The following FEZF2 variants were observed in gnomAD, a reference collection of about 807,000 sequenced individuals.
FEZF2 encodes fez family zinc finger protein 2.
A neutral mutation model predicts 32.8 loss-of-function variants in FEZF2; 2 were observed. The observed-to-expected ratio is 0.06, with a 90% CI of 0.02 to 0.19. The LOEUF (loss-of-function observed/expected upper bound fraction) is 0.19. FEZF2 is among the 10% of genes least tolerant of loss of function. FEZF2 has a pLI of 1.00. For missense variants in FEZF2, 516 were observed against 625.4 expected (o/e 0.83, Z 1.87); for synonymous variants, 322 against 284.8 (o/e 1.13, Z -1.32).
chr3:62,372,487 T>C lies in FEZF2; in HGVS notation c.382A>G (p.Lys128Glu). 1 of 1,513,254 alleles carries C rather than the reference T, an allele frequency of 6.6e-7. No individual in the cohort carries two copies. Among genetic ancestry groups the C allele is most frequent in the Non-Finnish European group, 8.8e-7 (1 of 1,132,318 alleles). The allele number at this position is 1,513,254 out of a possible 1,614,324, so 93.7% of individuals were successfully genotyped here. Reference sequence around the variant, plus strand: ...TTGCAGCACACGCCACAGTTGGTTTTGCACAAGCCGCTGGCGCCGCACACT... The same window carrying C: ...TTGCAGCACACGCCACAGTTGGTTTCGCACAAGCCGCTGGCGCCGCACACT... ...APVCGASGLC[K>E]TNCGVCCKAE... The change falls in exon 2 of 5, where the codon AAA (lysine) becomes GAA (glutamate). Residue 128 changes from lysine (K) to glutamate (E), a missense_variant. By Grantham distance (56) the Lys-to-Glu change is moderately conservative. Coordinates refer to ENST00000283268, the MANE Select transcript of FEZF2 (RefSeq NM_018008.4). The surrounding 1 kb of genome is among the most constrained non-coding windows in gnomAD (Gnocchi z 9.6).
rs1704295406 is a variant in FEZF2, at chr3:62,372,907, G to A, written c.-39C>T. 7.4e-7 allele frequency: 1 copy of A among 1,359,986 alleles called. No individual in the cohort carries two copies. 84.2% of individuals were successfully genotyped at this position (1,359,986 alleles called of 1,614,324 possible). ...GAGCCGAGCCAGGCTGGGCCAGGGCGCAGCCTCTCTCCTCTAAGTCTGCAT... is the reference window on the plus strand; with the variant it reads ...GAGCCGAGCCAGGCTGGGCCAGGGCACAGCCTCTCTCCTCTAAGTCTGCAT... On this transcript the variant is annotated 5_prime_UTR_variant, in exon 2 of 5. Transcript: ENST00000283268. This position sits in a 1 kb window ranked among gnomAD's most constrained non-coding sequence, Gnocchi z 9.6.
At chr3:62,371,689 C>T (rs754121128) in intron 2 of FEZF2, 22 bp from the exon 3 acceptor site, 7 of 1,595,894 alleles carry the variant, frequency 4.4e-6, no homozygotes, top group Non-Finnish European at 6.0e-6. Flanking sequence ...CATGGGGGGC[C>T]TTGTGGTGCG....
chr3:62,370,430 C>A lies in FEZF2; in HGVS notation c.1121-88G>T. ...GGGCGTCCCAGGGGCAGCCCAGGTG[C>A]CTGCTCAAAAAAGGCGACGCTTGGC... On this transcript the variant is annotated intron_variant, in intron 4 of 4. Coordinates refer to ENST00000283268, the MANE Select transcript of FEZF2 (RefSeq NM_018008.4). The surrounding 1 kb of genome is among the most constrained non-coding windows in gnomAD (Gnocchi z 4.2). The A allele has an allele frequency of 1.4e-6, 2 of 1,451,442 alleles. No homozygotes were observed. The highest frequency in any genetic ancestry group is 1.9e-6 in the Non-Finnish European group (2 of 1,065,492). 89.9% of individuals were successfully genotyped at this position (1,451,442 alleles called of 1,614,324 possible).
Position 62,372,464 on chromosome 3 carries a change from G to C in FEZF2, c.405C>G (p.Cys135Trp). 6.3e-7 allele frequency: 1 copy of C among 1,598,300 alleles called. No individual in the cohort carries two copies. ...GLCKTNCGVCCKAELGLAPSA... is the reference protein window; with the variant it reads ...GLCKTNCGVCWKAELGLAPSA... ...ACGGCGCCAGGCCCAGCTCGGCCTT[G>C]CAGCACACGCCACAGTTGGTTTTGC... is the stretch of plus-strand genomic sequence containing the variant. The change falls in exon 2 of 5, where the codon TGC becomes TGG. Residue 135 changes from cysteine (C) to tryptophan (W), a missense_variant. Transcript: ENST00000283268. This position sits in a 1 kb window ranked among gnomAD's most constrained non-coding sequence, Gnocchi z 9.6.
chr3:62,371,031 T>C (rs1350827953), intron 4 of FEZF2, among the ~76,000 whole-genome samples, 186 bp downstream of exon 4: 1 of 152,188 alleles, frequency 6.6e-6, no homozygotes, highest in African/African-American at 2.4e-5. Context: ...GCATACAGCG[T>C]GGTCTACTAA....
Position 62,370,091 on chromosome 3 carries a change from G to T in FEZF2, c.1372C>A (p.Gln458Lys). The T allele has an allele frequency of 6.2e-7, 1 of 1,614,150 alleles. No homozygotes were observed. Among genetic ancestry groups the T allele is most frequent in the Non-Finnish European group, 8.5e-7 (1 of 1,180,018 alleles). Residue 458 changes from glutamine (Q) to lysine (K), a missense_variant, in exon 5 of 5, where the codon CAG becomes AAG. Gln to Lys is a moderately conservative substitution (Grantham distance 53). Around this residue, in one of 3 missense-constraint regions of FEZF2, gnomAD observed 29 missense variants for 23.8 expected, o/e 1.22. Coordinates refer to ENST00000283268, the MANE Select transcript of FEZF2 (RefSeq NM_018008.4). This position sits in a 1 kb window ranked among gnomAD's most constrained non-coding sequence, Gnocchi z 4.2. ...GGGCAAGGCAGTAGCTCTCAGCTCT[G>T]CACTGTCCTAGTCAGGTCCTTTGCG... ...PSAKDLTRTV[Q>K]S
At chr3:62,371,732 G>A in intron 2 of FEZF2, 65 bp from the exon 3 acceptor site, 1 of 1,551,022 alleles carries the variant, frequency 6.4e-7, no homozygotes, top group Non-Finnish European at 8.7e-7. Flanking sequence ...GCCCCGGGGG[G>A]GCCACAGCCT....
chr3:62,372,449 G>A lies in FEZF2; in HGVS notation c.420C>T (p.Gly140=), dbSNP rs750776168. ...CCGCGGGCAGCGCGGACGGCGCCAG[G>A]CCCAGCTCGGCCTTGCAGCACACGC... ...NCGVCCKAEL[G]LAPSALPAGR... is the part of the protein sequence containing the mutation. The change falls in exon 2 of 5, where the codon GGC becomes GGT. Residue 140 remains glycine (G), a synonymous_variant. Coordinates refer to ENST00000283268, the MANE Select transcript of FEZF2 (RefSeq NM_018008.4). The surrounding 1 kb of genome is among the most constrained non-coding windows in gnomAD (Gnocchi z 9.6). 9 of 1,605,214 alleles carry A rather than the reference G, an allele frequency of 5.6e-6. No individual in the cohort carries two copies. The highest frequency in any genetic ancestry group is 1.3e-5 in the African/African-American group (1 of 74,850).
Position 62,372,944 on chromosome 3 carries a change from CA to C in FEZF2, c.-58-19del, listed in dbSNP as rs1342056614. The stretch of plus-strand genomic sequence containing the variant: ...CTCTAAGTCTGCATTCCGGAAAAGG[CA>C]GGGGGGAAAACTGCAATTTAATAAG... On this transcript the variant is annotated intron_variant, in intron 1 of 4. Transcript: ENST00000283268. The surrounding 1 kb of genome is among the most constrained non-coding windows in gnomAD (Gnocchi z 9.6). The C allele has an allele frequency of 1.7e-5, 22 of 1,304,616 alleles. No homozygotes were observed. Among genetic ancestry groups the C allele is most frequent in the Admixed American group, 3.7e-5 (1 of 27,164 alleles). The allele number at this position is 1,304,616 out of a possible 1,614,324, so 80.8% of individuals were successfully genotyped here.
At chr3:62,371,763 C>T (rs1179164380) in intron 2 of FEZF2, 96 bp from the exon 3 acceptor site, 25 of 1,509,876 alleles carry the variant, frequency 1.7e-5, no homozygotes, top group Non-Finnish European at 9.8e-6. Context: ...ACCAACACCC[C>T]CTTCAGAAAC....
At position 62,370,476 on chromosome 3, in the gene FEZF2, G is replaced by T. The variant is rs1704253119; in HGVS notation, c.1121-134C>A. ...TTGGCTAGGCGGGCGCGACCTCTTC[G>T]AGTGAAGAAGTTGTCAAACTTCGTA... is the stretch of plus-strand genomic sequence containing the variant. On this transcript the variant is annotated intron_variant, in intron 4 of 4. Transcript: ENST00000283268. The surrounding 1 kb of genome is among the most constrained non-coding windows in gnomAD (Gnocchi z 4.2). 1.2e-6 allele frequency: 1 copy of T among 863,702 alleles called. No individual in the cohort carries two copies. 53.5% of individuals were successfully genotyped at this position (863,702 alleles called of 1,614,324 possible).
At position 62,373,225 on chromosome 3, in the gene FEZF2, C is replaced by G. The variant is rs1704301315; in HGVS notation, c.-59+54G>C. 4.2e-6 allele frequency: 1 copy of G among 238,846 alleles called. No homozygotes were observed. The highest frequency in any genetic ancestry group is 8.0e-6 in the Non-Finnish European group (1 of 124,634). 14.8% of individuals were successfully genotyped at this position (238,846 alleles called of 1,614,324 possible). On this transcript the variant is annotated intron_variant, in intron 1 of 4. Coordinates refer to ENST00000283268, the MANE Select transcript of FEZF2 (RefSeq NM_018008.4). This position sits in a 1 kb window ranked among gnomAD's most constrained non-coding sequence, Gnocchi z 5.5. ...GGGCCTCTGCCACGCGTGCTGGGAG[C>G]TGGACAGTGAAGGGGCAAAGTTAAA...
chr3:62,370,078 A>G lies in FEZF2; in HGVS notation c.*5T>C. The G allele has an allele frequency of 6.2e-7, 1 of 1,612,894 alleles. No individual in the cohort carries two copies. The highest frequency in any genetic ancestry group is 8.5e-7 in the Non-Finnish European group (1 of 1,178,932). On this transcript the variant is annotated 3_prime_UTR_variant, in exon 5 of 5. Transcript: ENST00000283268. The surrounding 1 kb of genome is among the most constrained non-coding windows in gnomAD (Gnocchi z 4.2). ...GGGAGGGAAGGAAGGGCAAGGCAGTAGCTCTCAGCTCTGCACTGTCCTAGT... is the reference window on the plus strand; with the variant it reads ...GGGAGGGAAGGAAGGGCAAGGCAGTGGCTCTCAGCTCTGCACTGTCCTAGT...
Position 62,372,689 on chromosome 3 carries a change from G to C in FEZF2, c.180C>G (p.Gly60=). The C allele has an allele frequency of 6.2e-7, 1 of 1,608,654 alleles. No individual in the cohort carries two copies. ...GCGAGCAGAGGTTGAGCAGTTTCTT[G>C]CCCTGGCTGCCGTCCGCCTCTAGCG... ...PGALEADGSQ[G]KKLLNLCSPL... Residue 60 remains glycine (G), a synonymous_variant, in exon 2 of 5, where the codon GGC becomes GGG. Coordinates refer to ENST00000283268, the MANE Select transcript of FEZF2 (RefSeq NM_018008.4). This position sits in a 1 kb window ranked among gnomAD's most constrained non-coding sequence, Gnocchi z 9.6.
In FEZF2 at chr3:62,371,529, G is replaced by T; in HGVS notation, c.987+4C>A. On this transcript the variant is annotated splice_donor_region_variant and intron_variant, in intron 3 of 4. Coordinates refer to ENST00000283268, the MANE Select transcript of FEZF2 (RefSeq NM_018008.4). ...GGGCTAGGCCCGACCCGGGGGCCAC[G>T]TACCTGGGTGTGGATAATTTTGTGC... 1 of 1,609,934 alleles carries T rather than the reference G, an allele frequency of 6.2e-7. No individual in the cohort carries two copies. The highest frequency in any genetic ancestry group is 1.7e-4 in the Middle Eastern group (1 of 6,030).
In FEZF2 at chr3:62,372,444, G is replaced by A. The variant is rs767226938; in HGVS notation, c.425C>T (p.Ala142Val). 6.2e-7 allele frequency: 1 copy of A among 1,606,526 alleles called. No homozygotes were observed. The change falls in exon 2 of 5, where the codon GCG becomes GTG. Residue 142 changes from alanine to valine, a missense_variant. Ala to Val is a moderately conservative substitution (Grantham distance 64). Around this residue, in one of 3 missense-constraint regions of FEZF2, gnomAD observed 408 missense variants for 382.2 expected, o/e 1.07. Transcript: ENST00000283268. This position sits in a 1 kb window ranked among gnomAD's most constrained non-coding sequence, Gnocchi z 9.6. ...CCTGCCCGCGGGCAGCGCGGACGGC[G>A]CCAGGCCCAGCTCGGCCTTGCAGCA... ...GVCCKAELGL[A>V]PSALPAGRVI...
At position 62,370,045 on chromosome 3, in the gene FEZF2, G is replaced by C. The variant is rs1420580695; in HGVS notation, c.*38C>G. 5.0e-6 allele frequency: 8 copies of C among 1,604,414 alleles called. No homozygotes were observed. The African/African-American group carries it at 1.1e-4, about 21-fold the overall frequency. ...GTTTATATGTGTGATCTGTTTTCAG[G>C]TGGTACAGGGAGGGAAGGAAGGGCA... On this transcript the variant is annotated 3_prime_UTR_variant, in exon 5 of 5. Transcript: ENST00000283268. This position sits in a 1 kb window ranked among gnomAD's most constrained non-coding sequence, Gnocchi z 4.2.
At position 62,372,454 on chromosome 3, in the gene FEZF2, G is replaced by T; in HGVS notation, c.415C>A (p.Leu139Met). ...GGCAGCGCGGACGGCGCCAGGCCCA[G>T]CTCGGCCTTGCAGCACACGCCACAG... ...TNCGVCCKAE[L>M]GLAPSALPAG... The change falls in exon 2 of 5, where the codon CTG (leucine) becomes ATG (methionine). Residue 139 changes from leucine to methionine, a missense_variant. By Grantham distance (15) the Leu-to-Met change is conservative. This residue lies in a region of FEZF2 where 408 missense variants were observed against 382.2 expected (regional missense o/e 1.07). Transcript: ENST00000283268. The surrounding 1 kb of genome is among the most constrained non-coding windows in gnomAD (Gnocchi z 9.6). 6.2e-7 allele frequency: 1 copy of T among 1,603,688 alleles called. No individual in the cohort carries two copies.
rs1296787599 is a variant in FEZF2 at position 62,373,222 on chromosome 3, G to T, written c.-59+57C>A. ...CCCGGGCCTCTGCCACGCGTGCTGG[G>T]AGCTGGACAGTGAAGGGGCAAAGTT... On this transcript the variant is annotated intron_variant, in intron 1 of 4. Transcript: ENST00000283268. The surrounding 1 kb of genome is among the most constrained non-coding windows in gnomAD (Gnocchi z 5.5). The T allele has an allele frequency of 4.1e-6, 1 of 241,358 alleles. No individual in the cohort carries two copies. The highest frequency in any genetic ancestry group is 2.2e-5 in the African/African-American group (1 of 44,774). 15.0% of individuals were successfully genotyped at this position (241,358 alleles called of 1,614,324 possible).
Sources: gnomAD v4.1 joint callset for allele counts (sites outside exome capture counted in the v4.1 genomes callset) on GRCh38, gnomAD v4.1.1 for gene constraint, gnomAD v4.1.1 regional missense constraint, Gnocchi (gnomAD v3.1) non-coding constraint, MANE v1.5 for transcripts, NCBI Gene and HGNC (gene_info 2026-07-23, HGNC 2026-07-21) for gene names.